CELF2: variants seen among roughly 807,000 people sequenced by gnomAD.
CELF2 encodes CUG triplet repeat RNA-binding protein 2.
CELF2 carries 8 observed loss-of-function variants against 62.6 expected under a neutral mutation model. That is an observed-to-expected ratio of 0.13 (90% CI 0.07 to 0.23). CELF2 has a LOEUF of 0.23. Among genes scored for constraint, CELF2 ranks in the 10% least tolerant of loss-of-function variants. The pLI is 1.00. For synonymous variants in CELF2, 258 were observed against 250.0 expected (o/e 1.03, Z -0.30); for missense variants, 333 against 671.0 (o/e 0.50, Z 5.56).
chr10:11,015,892 G>A (rs1413001549), upstream of CELF2, among the ~76,000 whole-genome samples: 2 of 152,086 alleles, frequency 1.3e-5, no homozygotes, highest in Non-Finnish European at 1.5e-5. The surrounding 1 kb of genome is among the most constrained non-coding windows in gnomAD (Gnocchi z 4.8). Context: ...TTTCAGAAGC[G>A]TACATGTTAA....
chr10:10,687,127 A>T, the CELF2 span, among the ~76,000 whole-genome samples: 2 of 152,170 alleles, frequency 1.3e-5, no homozygotes, highest in South Asian at 4.2e-4. Context: ...TCAGTATTTC[A>T]CCAAAGAGTC....
chr10:11,049,266 T>G (rs1367209280), intron 1 of CELF2, among the ~76,000 whole-genome samples: 4 of 151,974 alleles, frequency 2.6e-5, no homozygotes, highest in Non-Finnish European at 4.4e-5. Context: ...CTTCCTAAGT[T>G]AAGCCTCAAG....
chr10:11,232,365 G>A (rs2069069334), intron 3 of CELF2, among the ~76,000 whole-genome samples: 1 of 152,116 alleles, frequency 6.6e-6, no homozygotes, highest in Admixed American at 6.5e-5. Flanking sequence ...AAGCCTCATT[G>A]TTTTCTCATC....
the CELF2 span, among the ~76,000 whole-genome samples, chr10:10,769,937 C>T: frequency 6.6e-6 from 1 of 151,996 alleles, no homozygotes; most frequent in Non-Finnish European, 1.5e-5. Context: ...ATTGCTGTAC[C>T]ACTGGAGTTG....
intron 2 of CELF2, chr10:11,171,132 T>C (rs1356765829): frequency 6.6e-6 from 1 of 152,210 alleles, no homozygotes; most frequent in East Asian, 1.9e-4. Flanking sequence ...AAAAACTTCC[T>C]TTTTTCTTGC....
chr10:10,541,322 G>A, the CELF2 span, among the ~76,000 whole-genome samples: 1 of 151,962 alleles, frequency 6.6e-6, no homozygotes, highest in Non-Finnish European at 1.5e-5. Flanking sequence ...ACTGGAAAGG[G>A]GCTCCACATC....
At chr10:11,304,236 T>C (rs2094015750) in intron 9 of CELF2, among the ~76,000 whole-genome samples, 1 of 152,164 alleles carries the variant, frequency 6.6e-6, no homozygotes, top group Non-Finnish European at 1.5e-5. Flanking sequence ...TTTACTTGGC[T>C]CATGGCCCCT....
At chr10:10,727,248 C>T in the CELF2 span, among the ~76,000 whole-genome samples, 1 of 152,326 alleles carries the variant, frequency 6.6e-6, no homozygotes, top group South Asian at 2.1e-4. Context: ...GAATCCCTTT[C>T]AGGGAAAAAT....
At chr10:11,179,300 C>A (rs2072418578) in intron 2 of CELF2, among the ~76,000 whole-genome samples, 1 of 151,962 alleles carries the variant, frequency 6.6e-6, no homozygotes, top group African/African-American at 2.4e-5. Flanking sequence ...AAAATCAAAG[C>A]TCCACGCACA....
chr10:10,669,107 G>T, the CELF2 span, among the ~76,000 whole-genome samples: 1 of 152,136 alleles, frequency 6.6e-6, no homozygotes, highest in East Asian at 1.9e-4. Flanking sequence ...GAGGAGAGAG[G>T]CAGCTCAGTA....
chr10:11,332,821 C>G lies in CELF2; in HGVS notation c.*3768C>G, dbSNP rs2096054232. The G allele has an allele frequency of 6.6e-6, 1 of 152,610 alleles. No individual in the cohort carries two copies. Among genetic ancestry groups the G allele is most frequent in the Non-Finnish European group, 1.5e-5 (1 of 68,040 alleles). 9.5% of individuals were successfully genotyped at this position (152,610 alleles called of 1,614,324 possible). On this transcript the variant is annotated 3_prime_UTR_variant, in exon 13 of 13. Coordinates refer to ENST00000633077, the MANE Select transcript of CELF2 (RefSeq NM_001326342.2). Reference sequence around the variant, plus strand: ...TTACAATGACATGATTTGTATTATCCTCACATGTGTTTACTACTGCTGGGG... The same window carrying G: ...TTACAATGACATGATTTGTATTATCGTCACATGTGTTTACTACTGCTGGGG...
chr10:10,624,492 A>T, the CELF2 span, among the ~76,000 whole-genome samples: 44 of 152,208 alleles, frequency 2.9e-4, no homozygotes, highest in African/African-American at 1.1e-3. Context: ...AGCTCCCTTC[A>T]TCTATTCACA....
At chr10:10,550,888 G>A in the CELF2 span, among the ~76,000 whole-genome samples, 2 of 151,262 alleles carry the variant, frequency 1.3e-5, no homozygotes, top group Non-Finnish European at 2.9e-5. Context: ...AGTAGAGATG[G>A]GGTTTCTCCA....
intron 1 of CELF2, among the ~76,000 whole-genome samples, chr10:10,850,321 C>A (rs963787632): frequency 6.6e-6 from 1 of 152,190 alleles, no homozygotes; most frequent in East Asian, 1.9e-4. Flanking sequence ...AAGATGATTG[C>A]TATCACTGCA....
intron 2 of CELF2, among the ~76,000 whole-genome samples, chr10:10,955,450 G>A (rs1564258428): frequency 6.6e-6 from 1 of 152,140 alleles, no homozygotes; most frequent in East Asian, 1.9e-4. Flanking sequence ...TTTGCATATG[G>A]TTATCTCAGA....
the CELF2 span, among the ~76,000 whole-genome samples, chr10:10,680,247 C>T: frequency 1.3e-5 from 2 of 152,114 alleles, no homozygotes; most frequent in African/African-American, 2.4e-5. Flanking sequence ...AAGACCACCC[C>T]CACTTCTGAC....
rs140183411 is a variant in CELF2, at chr10:10,936,910, G to T, written c.89+16911G>T. Among the ~76,000 whole-genome samples, 175 of 152,198 alleles carry T rather than the reference G, an allele frequency of 1.1e-3. No individual in the cohort carries two copies. The highest frequency in any genetic ancestry group is 3.9e-3 in the African/African-American group (162 of 41,534). ...GACAAGCTCCCACGGGGTTTCTGAT[G>T]ATTCTGGTCCTCAGACCATCCTTTG... On this transcript the variant is annotated intron_variant, in intron 2 of 13. Coordinates refer to the CELF2 transcript ENST00000636488. The surrounding 1 kb of genome is among the most constrained non-coding windows in gnomAD (Gnocchi z 4.0).
intron 1 of CELF2, among the ~76,000 whole-genome samples, chr10:10,871,905 C>A (rs2060774213): frequency 6.6e-6 from 1 of 152,144 alleles, no homozygotes; most frequent in South Asian, 2.1e-4. Flanking sequence ...CCTAAGTCTC[C>A]TATTATAGGA....
intron 1 of CELF2, chr10:11,030,236 C>CGCTG (rs1195587483): frequency 6.6e-6 from 1 of 152,176 alleles, no homozygotes; most frequent in African/African-American, 2.4e-5. Flanking sequence ...TACCATGGGC[C>CGCTG]AGCCATCAGG....
Sources: gnomAD v4.1 joint callset for allele counts (sites outside exome capture counted in the v4.1 genomes callset) on GRCh38, gnomAD v4.1.1 for gene constraint, Gnocchi (gnomAD v3.1) non-coding constraint, MANE v1.5 for transcripts, NCBI Gene and HGNC (gene_info 2026-07-23, HGNC 2026-07-21) for gene names.